The following NELL2 variants were observed in gnomAD, a reference collection of about 807,000 sequenced individuals.
NELL2 encodes the protein neural EGFL like 2, also known as protein kinase C-binding protein NELL2.
In NELL2, 41 loss-of-function variants were observed where a neutral mutation model predicts 109.6. The ratio of observed to expected loss-of-function variants is 0.37; its 90% CI spans 0.29 to 0.49. NELL2 has a LOEUF of 0.49. Ranked by LOEUF, NELL2 falls within the 20% of genes least tolerant of loss-of-function variation. The pLI is 0.98. For missense variants in NELL2, 900 were observed against 1,008.3 expected, an observed-to-expected ratio of 0.89 and a Z score of 1.45; for synonymous variants, 355 against 344.7, an observed-to-expected ratio of 1.03 and a Z score of -0.33.
Position 44,875,862 on chromosome 12 carries a change from G to C in NELL2, c.8C>G (p.Ser3Cys). Reference protein sequence around the residue: MESRVLLRTFCLI... With the variant: MECRVLLRTFCLI... ...ACAGAATGTTCTCAGTAAGACCCGAGACTCCATGGTGCGGATCAGCTCAGT... is the reference window on the plus strand; with the variant it reads ...ACAGAATGTTCTCAGTAAGACCCGACACTCCATGGTGCGGATCAGCTCAGT... The change falls in exon 1 of 20, where the codon TCT (serine) becomes TGT (cysteine). Residue 3 changes from serine to cysteine, a missense_variant. Ser to Cys is a moderately radical substitution (Grantham distance 112). This residue lies in a region of NELL2 where 200 missense variants were observed against 191.8 expected (regional missense o/e 1.04). Transcript: ENST00000429094. 6.2e-7 allele frequency: 1 copy of C among 1,614,004 alleles called. No individual in the cohort carries two copies. The highest frequency in any genetic ancestry group is 1.1e-5 in the South Asian group (1 of 91,078).
upstream of NELL2, chr12:44,876,977 A>G (rs1351157343): frequency 1.0e-6 from 1 of 996,892 alleles, no homozygotes; most frequent in Non-Finnish European, 1.3e-6. Flanking sequence ...GAGCGCAGAG[A>G]ACTTGGCCAG....
At chr12:44,710,506 A>G (rs181678860) in intron 11 of NELL2, among the ~76,000 whole-genome samples, 1 of 152,266 alleles carries the variant, frequency 6.6e-6, no homozygotes, top group East Asian at 1.9e-4. Flanking sequence ...ATTCCCGTAT[A>G]ATACAGGAAG....
intron 2 of NELL2, among the ~76,000 whole-genome samples, chr12:44,834,094 T>A (rs1943972609): frequency 6.6e-6 from 1 of 152,198 alleles, no homozygotes; most frequent in Admixed American, 6.5e-5. Flanking sequence ...TATTTCTGAA[T>A]TACATACAGA....
intron 15 of NELL2, among the ~76,000 whole-genome samples, chr12:44,580,325 A>G (rs1236911087): frequency 6.6e-6 from 1 of 152,130 alleles, no homozygotes; most frequent in East Asian, 1.9e-4. Context: ...GAGAGTAAGG[A>G]GCAGCCCGCT....
intron 9 of NELL2, among the ~76,000 whole-genome samples, chr12:44,715,779 A>G (rs1938452130): frequency 6.6e-6 from 1 of 152,074 alleles, no homozygotes; most frequent in African/African-American, 2.4e-5. Flanking sequence ...ACTAAATCCA[A>G]TTTTTTATTT....
chr12:44,649,633 C>A (rs1424614968), intron 13 of NELL2, among the ~76,000 whole-genome samples: 2 of 152,174 alleles, frequency 1.3e-5, no homozygotes, highest in Non-Finnish European at 1.5e-5. Flanking sequence ...TTGGTCTCTG[C>A]ACATTTTCCA....
intron 9 of NELL2, among the ~76,000 whole-genome samples, chr12:44,773,953 C>T (rs1312769857): frequency 6.6e-6 from 1 of 152,116 alleles, no homozygotes; most frequent in Non-Finnish European, 1.5e-5. Context: ...TGAGAGTATA[C>T]ATATAAATAC....
At chr12:44,627,699 T>TA (rs200823348) in intron 13 of NELL2, among the ~76,000 whole-genome samples, 244 of 151,096 alleles carry the variant, frequency 1.6e-3, no homozygotes, top group African/African-American at 4.8e-3. Context: ...TCCCCTTTCT[T>TA]AAAAAAAAAC....
chr12:44,627,684 C>A (rs951615423), intron 13 of NELL2, among the ~76,000 whole-genome samples: 2 of 152,060 alleles, frequency 1.3e-5, no homozygotes, highest in Non-Finnish European at 2.9e-5. Context: ...GCAGATATAA[C>A]TTGTTCCCCT....
intron 16 of NELL2, 165 bp downstream of exon 16, chr12:44,532,416 A>G (rs1942110149): frequency 2.0e-6 from 1 of 511,596 alleles, no homozygotes; most frequent in South Asian, 7.9e-5. Context: ...ATTAGATACC[A>G]TAATTAGCAA....
intron 15 of NELL2, among the ~76,000 whole-genome samples, chr12:44,590,407 C>T (rs934498967): frequency 4.6e-5 from 7 of 152,096 alleles, no homozygotes; most frequent in Admixed American, 1.3e-4. Flanking sequence ...CAAAATGCAG[C>T]CCAGGTTCAT....
chr12:44,712,730 G>T (rs1455808640), intron 10 of NELL2, among the ~76,000 whole-genome samples: 2 of 152,006 alleles, frequency 1.3e-5, no homozygotes, highest in Non-Finnish European at 2.9e-5. Flanking sequence ...CTAGGTACAT[G>T]TGGCTCTTTT....
chr12:44,904,139 T>C (rs917699379), intron 1 of NELL2, among the ~76,000 whole-genome samples: 6 of 152,056 alleles, frequency 3.9e-5, no homozygotes, highest in Non-Finnish European at 7.4e-5. Context: ...TAAATGTCTA[T>C]GACTCTTTTG....
At chr12:44,587,909 T>C (rs1389011235) in intron 15 of NELL2, among the ~76,000 whole-genome samples, 1 of 152,152 alleles carries the variant, frequency 6.6e-6, no homozygotes, top group East Asian at 1.9e-4. Context: ...CCCAGCACTT[T>C]GGGAGGCCAA....
chr12:44,816,276 T>C (rs1261475079), intron 2 of NELL2, 140 bp from the exon 3 acceptor site: 6 of 653,058 alleles, frequency 9.2e-6, no homozygotes, highest in Non-Finnish European at 1.5e-5. Flanking sequence ...TCTTGGTAAA[T>C]TATTTTTCAA....
At position 44,755,320 on chromosome 12, in the gene NELL2, T is replaced by C. The variant is rs1381659609; in HGVS notation, c.994+19427A>G. On this transcript the variant is annotated intron_variant, in intron 9 of 19. Transcript: ENST00000429094. ...GTCACTTTTCTACCCCCACAAAAAA[T>C]ATCTGCTCTTTCAGGTTCCCGTCAT... Among the ~76,000 whole-genome samples, 5 of 152,136 alleles carry C rather than the reference T, an allele frequency of 3.3e-5. No homozygotes were observed. The East Asian group carries it at 9.6e-4, about 29-fold the overall frequency.
chr12:44,665,274 C>A (rs541650340), intron 13 of NELL2, among the ~76,000 whole-genome samples: 2 of 151,614 alleles, frequency 1.3e-5, no homozygotes, highest in East Asian at 3.9e-4. Context: ...TTTTTATCTT[C>A]CAAATTGGAG....
chr12:44,513,862 A>C (rs1941123248), intron 19 of NELL2, among the ~76,000 whole-genome samples: 1 of 151,812 alleles, frequency 6.6e-6, no homozygotes, highest in Non-Finnish European at 1.5e-5. Flanking sequence ...AATATGTGAA[A>C]AAACGATGGC....
rs560737400 is a variant in NELL2 at position 44,888,461 on chromosome 12, A to C, written c.39-12561T>G. ...GAAAAAAAGAGAGAAGACCCAAATA[A>C]ATAAAATCGGAAATGAAAAAGGGGA... is the stretch of plus-strand genomic sequence containing the variant. On this transcript the variant is annotated intron_variant, in intron 1 of 20. Transcript: ENST00000333837. Among the ~76,000 whole-genome samples the C allele has an allele frequency of 2.0e-4, 31 of 151,842 alleles. No homozygotes were observed. In the South Asian group the frequency reaches 6.4e-3, roughly 32 times the overall value.
Sources: gnomAD v4.1 joint callset for allele counts (sites outside exome capture counted in the v4.1 genomes callset) on GRCh38, gnomAD v4.1.1 for gene constraint, gnomAD v4.1.1 regional missense constraint, MANE v1.5 for transcripts, NCBI Gene and HGNC (gene_info 2026-07-23, HGNC 2026-07-21) for gene names.